DNMBP: variants seen among roughly 807,000 people sequenced by gnomAD.
The protein encoded by DNMBP is dynamin binding protein, also known as dynamin-binding protein.
Under a neutral mutation model 150.0 loss-of-function variants are expected in DNMBP, and 87 were observed. That is an observed-to-expected ratio of 0.58 (90% CI 0.49 to 0.69). DNMBP has a LOEUF of 0.69. DNMBP is among the 30% of genes least tolerant of loss of function. The probability of loss-of-function intolerance (pLI) is 0.00; values close to 1 mark genes in which losing one functional copy is unlikely to be tolerated. For missense variants in DNMBP, 1,774 were observed against 1,949.0 expected (o/e 0.91, Z 1.69); for synonymous variants, 711 against 750.4 (o/e 0.95, Z 0.86).
chr10:99,902,533 C>T (rs1389548865), intron 6 of DNMBP, among the ~76,000 whole-genome samples: 5 of 149,292 alleles, frequency 3.3e-5, no homozygotes, highest in Non-Finnish European at 7.4e-5. Flanking sequence ...TGGTCTCAAA[C>T]TCCTGATCTC....
At chr10:99,891,435 G>A (rs2039558376) in intron 11 of DNMBP, among the ~76,000 whole-genome samples, 1 of 151,750 alleles carries the variant, frequency 6.6e-6, no homozygotes, top group Admixed American at 6.6e-5. Context: ...TCGGCCTCCC[G>A]AGGTGCCGGG....
chr10:99,906,292 T>TG (rs2039824438), intron 6 of DNMBP, among the ~76,000 whole-genome samples: 1 of 152,176 alleles, frequency 6.6e-6, no homozygotes, highest in South Asian at 2.1e-4. Context: ...ATAAGGTATC[T>TG]GATCAGGGAG....
At chr10:99,940,505 T>C (rs1204185031) in intron 4 of DNMBP, among the ~76,000 whole-genome samples, 1 of 152,076 alleles carries the variant, frequency 6.6e-6, no homozygotes, top group East Asian at 1.9e-4. Flanking sequence ...CCACTCACTA[T>C]CTAATAGCAG....
chr10:99,995,642 G>A (rs1003258828), intron 1 of DNMBP, among the ~76,000 whole-genome samples: 2 of 152,204 alleles, frequency 1.3e-5, no homozygotes, highest in African/African-American at 2.4e-5. Context: ...TTGAAGTGCT[G>A]GTGGGCCAGA....
At chr10:99,899,749 T>C (rs998465950) in intron 7 of DNMBP, 170 bp downstream of exon 7, 5 of 788,224 alleles carry the variant, frequency 6.3e-6, no homozygotes, top group Non-Finnish European at 1.1e-5. Context: ...TCTATACAGA[T>C]AAAACTTATT....
intron 4 of DNMBP, among the ~76,000 whole-genome samples, chr10:99,926,165 C>G (rs1438805535): frequency 6.6e-6 from 1 of 152,216 alleles, no homozygotes; most frequent in Non-Finnish European, 1.5e-5. Flanking sequence ...ATGTTATTAG[C>G]AAGTGCAAAA....
At position 99,883,391 on chromosome 10, in the gene DNMBP, C is replaced by T. The variant is rs554948363; in HGVS notation, c.3997+620G>A. 2.2e-4 allele frequency among the ~76,000 whole-genome samples: 33 copies of T among 152,080 alleles called. No individual in the cohort carries two copies. The South Asian group carries it at 5.4e-3, about 25-fold the overall frequency. On this transcript the variant is annotated intron_variant, in intron 15 of 16. Coordinates refer to ENST00000324109, the MANE Select transcript of DNMBP (RefSeq NM_015221.4). ...TGGAAACTGGAAGAGGTGCTGGGTG[C>T]GGTGGCTCACACCTATAATCCCAGC...
In DNMBP at chr10:99,885,919, G is replaced by A. The variant is rs374833290; in HGVS notation, c.3619-53C>T. 1.0e-5 allele frequency: 15 copies of A among 1,467,112 alleles called. No homozygotes were observed. The African/African-American group carries it at 2.1e-4, about 21-fold the overall frequency. 90.9% of individuals were successfully genotyped at this position (1,467,112 alleles called of 1,614,324 possible). A position where few individuals can be genotyped will look rare whatever the true frequency, so the allele number is the denominator to read the frequency against. On this transcript the variant is annotated intron_variant, in intron 13 of 16. Coordinates refer to ENST00000324109, the MANE Select transcript of DNMBP (RefSeq NM_015221.4). ...GAGAAAAGAAGAAAACACGATAAAA[G>A]ATCCCAGAGAAAAGAAGAAAACATG... is the stretch of plus-strand genomic sequence containing the variant.
intron 1 of DNMBP, among the ~76,000 whole-genome samples, chr10:99,988,722 T>C (rs936425539): frequency 6.6e-6 from 1 of 152,028 alleles, no homozygotes; most frequent in Non-Finnish European, 1.5e-5. Context: ...AGTGCAGTGG[T>C]TCAATCTTGG....
rs1564712303 is a variant in DNMBP, at chr10:99,880,039, G to GATA, written c.4319_4320insTAT (p.Ser1440_Thr1441insIle). 6.2e-7 allele frequency: 1 copy of GATA among 1,613,906 alleles called. No individual in the cohort carries two copies. The highest frequency in any genetic ancestry group is 8.5e-7 in the Non-Finnish European group (1 of 1,179,982). The stretch of plus-strand genomic sequence containing the variant: ...AGTCCCCTGACCTTGGCTGGGAGGT[G>GATA]GAGTCTGGGTCTGAAGGGCATCTGG... On this transcript the variant is annotated inframe_insertion, in exon 16 of 17. Transcript: ENST00000324109.
intron 3 of DNMBP, among the ~76,000 whole-genome samples, chr10:99,968,872 C>T (rs1055594006): frequency 2.0e-5 from 3 of 151,994 alleles, no homozygotes; most frequent in African/African-American, 7.3e-5. Flanking sequence ...GTTAATAATC[C>T]CCACTTTCCT....
chr10:99,967,506 G>A (rs556726477), intron 3 of DNMBP, among the ~76,000 whole-genome samples: 3 of 152,240 alleles, frequency 2.0e-5, no homozygotes, highest in South Asian at 2.1e-4. Context: ...AGCCTCGACA[G>A]AATGAGACTC....
chr10:99,962,381 C>T (rs564399834), intron 3 of DNMBP, among the ~76,000 whole-genome samples: 6 of 152,340 alleles, frequency 3.9e-5, no homozygotes, highest in African/African-American at 1.4e-4. Flanking sequence ...CCTGTAATCC[C>T]AGCACTTTGG....
chr10:99,891,184 C>T (rs2039552185), intron 11 of DNMBP, among the ~76,000 whole-genome samples: 2 of 146,424 alleles, frequency 1.4e-5, no homozygotes, highest in African/African-American at 5.0e-5. Context: ...CTCCCCCTCT[C>T]CCTCTCCCCA....
At chr10:99,912,767 C>T (rs1019466405) in intron 4 of DNMBP, among the ~76,000 whole-genome samples, 2 of 152,126 alleles carry the variant, frequency 1.3e-5, no homozygotes, top group African/African-American at 4.8e-5. Flanking sequence ...TCAAGCGATC[C>T]TCCCACCTCA....
intron 4 of DNMBP, among the ~76,000 whole-genome samples, chr10:99,916,347 C>T (rs1284927021): frequency 6.6e-6 from 1 of 152,208 alleles, no homozygotes; most frequent in Non-Finnish European, 1.5e-5. Context: ...CCTGTAATCC[C>T]AGCTACCCAG....
In DNMBP at chr10:99,877,206, T is replaced by G. The variant is rs1290773466; in HGVS notation, c.4679A>C (p.Asn1560Thr). Residue 1560 changes from asparagine (N) to threonine (T), a missense_variant, in exon 17 of 17, where the codon AAC (asparagine) becomes ACC (threonine). Physicochemically the swap from Asn to Thr is moderately conservative, Grantham distance 65. This residue lies in a region of DNMBP where 1,430 missense variants were observed against 1,492.5 expected (regional missense o/e 0.96). Transcript: ENST00000324109. ...GNTEWWLAEV[N>T]GKKGYVPSNY... ...GGAGGGAACGTAGCCCTTCTTCCCG[T>G]TAACCTCAGCTAACCACCACTCTGT... 6.2e-7 allele frequency: 1 copy of G among 1,614,010 alleles called. No individual in the cohort carries two copies. The highest frequency in any genetic ancestry group is 1.1e-5 in the South Asian group (1 of 91,020).
At position 99,984,782 on chromosome 10, in the gene DNMBP, T is replaced by C. The variant is rs559608304; in HGVS notation, c.-10-12648A>G. ...TCTCACTCTGTTGCCCAGGCTAGAG[T>C]GCAGTGATGATCACGGCTCACTGCA... On this transcript the variant is annotated intron_variant, in intron 1 of 16. Transcript: ENST00000324109. Among the ~76,000 whole-genome samples, 7 of 152,234 alleles carry C rather than the reference T, an allele frequency of 4.6e-5. No individual in the cohort carries two copies. In the East Asian group the frequency reaches 1.4e-3, roughly 29 times the overall value.
Position 99,886,604 on chromosome 10 carries a change from G to C in DNMBP, c.3314C>G (p.Ser1105Cys), listed in dbSNP as rs2039469880. Residue 1105 changes from serine (S) to cysteine (C), a missense_variant, in exon 13 of 17, where the codon TCC becomes TGC. By Grantham distance (112) the Ser-to-Cys change is moderately radical. Coordinates refer to ENST00000324109, the MANE Select transcript of DNMBP (RefSeq NM_015221.4). ...FKERTERLVISPLNQLLSMFT... is the reference protein window; with the variant it reads ...FKERTERLVICPLNQLLSMFT... ...CATGCTCAGTAACTGATTTAAGGGG[G>C]AGATGACAAGCCGCTCTGTCCTCTC... The C allele has an allele frequency of 6.2e-7, 1 of 1,613,818 alleles. No individual in the cohort carries two copies. The highest frequency in any genetic ancestry group is 1.7e-5 in the Admixed American group (1 of 59,974).
Sources: allele counts gnomAD v4.1 joint callset (sites outside exome capture counted in the v4.1 genomes callset), GRCh38; gene constraint gnomAD v4.1.1; regional missense constraint gnomAD v4.1.1; transcripts MANE v1.5; gene names NCBI Gene and HGNC (gene_info 2026-07-23, HGNC 2026-07-21).